The following PRDM1 variants were observed in gnomAD, a reference collection of about 807,000 sequenced individuals.
PRDM1 encodes the protein PR/SET domain 1.
Under a neutral mutation model 62.8 loss-of-function variants are expected in PRDM1, and 13 were observed. The observed-to-expected ratio is 0.21, with a 90% confidence interval of 0.13 to 0.33. The LOEUF is 0.33. Among genes scored for constraint, PRDM1 ranks in the 10% least tolerant of loss-of-function variants. PRDM1 has a pLI of 1.00. For synonymous variants in PRDM1, 396 were observed against 417.6 expected, an observed-to-expected ratio of 0.95 and a Z score of 0.63; for missense variants, 895 against 1,058.8, an observed-to-expected ratio of 0.85 and a Z score of 2.15.
In PRDM1 at chr6:106,106,291, A is replaced by G; in HGVS notation, c.1774-80A>G. 1 of 1,545,822 alleles carries G rather than the reference A, an allele frequency of 6.5e-7. No individual in the cohort carries two copies. Among genetic ancestry groups the G allele is most frequent in the Non-Finnish European group, 8.8e-7 (1 of 1,135,650 alleles). ...ATGCTTTTCTTAAGATATTTGCATC[A>G]ACACTTGAGTCTTGGAGCAGAAATG... On this transcript the variant is annotated intron_variant, in intron 5 of 6. Transcript: ENST00000369096. This position sits in a 1 kb window ranked among gnomAD's most constrained non-coding sequence, Gnocchi z 4.4.
intron 4 of PRDM1, among the ~76,000 whole-genome samples, chr6:106,099,882 G>A (rs1774219134): frequency 6.6e-6 from 1 of 152,198 alleles, no homozygotes; most frequent in Non-Finnish European, 1.5e-5. Flanking sequence ...GCGTATGCAA[G>A]GTATAGCCCT....
intron 1 of PRDM1, among the ~76,000 whole-genome samples, chr6:106,070,879 A>G (rs1773503210): frequency 6.6e-6 from 1 of 152,204 alleles, no homozygotes; most frequent in South Asian, 2.1e-4. Context: ...TGCTACTTTC[A>G]AATATTTATT....
chr6:106,077,970 C>T (rs776251308), intron 1 of PRDM1, among the ~76,000 whole-genome samples: 2 of 152,180 alleles, frequency 1.3e-5, no homozygotes, highest in South Asian at 2.1e-4. Context: ...CTTTCTTGCT[C>T]GGTAAATGTG....
chr6:106,087,885 A>T, intron 1 of PRDM1: 1 of 270,344 alleles, frequency 3.7e-6, no homozygotes, highest in Non-Finnish European at 7.0e-6. Flanking sequence ...CTGTGTGCCC[A>T]GAACATTTTT....
upstream of PRDM1, among the ~76,000 whole-genome samples, chr6:106,047,665 C>A (rs1773102097): frequency 6.6e-6 from 1 of 151,994 alleles, no homozygotes; most frequent in Admixed American, 6.6e-5. Context: ...AGTGGTTGCA[C>A]CAAAGGAATA....
At chr6:106,007,056 C>T (rs1335572577) in intron 1 of PRDM1, among the ~76,000 whole-genome samples, 1 of 151,920 alleles carries the variant, frequency 6.6e-6, no homozygotes, top group Non-Finnish European at 1.5e-5. Context: ...ATTTCTCTTC[C>T]TTCTGAGTGA....
rs1359144106 is a variant in PRDM1, at chr6:106,104,879, C to A, written c.719C>A (p.Pro240Gln). The A allele has an allele frequency of 6.2e-7, 1 of 1,614,056 alleles. No individual in the cohort carries two copies. Among genetic ancestry groups the A allele is most frequent in the Non-Finnish European group, 8.5e-7 (1 of 1,180,000 alleles). Residue 240 changes from proline (P) to glutamine (Q), a missense_variant, in exon 5 of 7, where the codon CCA (proline) becomes CAA (glutamine). Physicochemically the swap from Pro to Gln is moderately conservative, Grantham distance 76 (BLOSUM62 -1). This residue lies in a region of PRDM1 where 444 missense variants were observed against 422.7 expected (regional missense o/e 1.05). Transcript: ENST00000369096. ...QPSTEKNELC[P>Q]KNVPKREYSV... ...AGCACTGAGAAAAATGAACTCTGCCCAAAGAATGTCCCAAAGAGAGAGTAC... is the reference window on the plus strand; with the variant it reads ...AGCACTGAGAAAAATGAACTCTGCCAAAAGAATGTCCCAAAGAGAGAGTAC...
At chr6:106,039,426 G>T (rs1350660021) in intron 1 of PRDM1, among the ~76,000 whole-genome samples, 2 of 152,142 alleles carry the variant, frequency 1.3e-5, no homozygotes, top group Non-Finnish European at 2.9e-5. Flanking sequence ...TGTTATGTTT[G>T]TCTAAGTTTC....
Position 106,106,248 on chromosome 6 carries a change from CT to C in PRDM1, c.1774-118del, listed in dbSNP as rs1774484593. The stretch of plus-strand genomic sequence containing the variant: ...CATTCTGAAAACATGAAGATTTCTT[CT>C]TTTTAAGACTGTCTTGATGCTTTTC... On this transcript the variant is annotated intron_variant, in intron 5 of 6. Coordinates refer to ENST00000369096, the MANE Select transcript of PRDM1 (RefSeq NM_001198.4). This position sits in a 1 kb window ranked among gnomAD's most constrained non-coding sequence, Gnocchi z 4.4. 1 of 1,402,598 alleles carries C rather than the reference CT, an allele frequency of 7.1e-7. No individual in the cohort carries two copies. The highest frequency in any genetic ancestry group is 2.3e-5 in the Admixed American group (1 of 44,116). 86.9% of individuals were successfully genotyped at this position (1,402,598 alleles called of 1,614,324 possible).
upstream of PRDM1, among the ~76,000 whole-genome samples, chr6:106,045,002 C>T (rs1773051450): frequency 6.6e-6 from 1 of 152,126 alleles, no homozygotes; most frequent in Admixed American, 6.5e-5. Flanking sequence ...TCAAGGCAGC[C>T]TGGGTGACAG....
At chr6:106,008,518 G>T (rs1056548263) in intron 1 of PRDM1, among the ~76,000 whole-genome samples, 1 of 152,064 alleles carries the variant, frequency 6.6e-6, no homozygotes, top group Non-Finnish European at 1.5e-5. Context: ...TGCCACAAGT[G>T]TCTCCTTTAT....
At chr6:106,042,132 AT>A (rs1354662393) in intron 1 of PRDM1, among the ~76,000 whole-genome samples, 1 of 151,604 alleles carries the variant, frequency 6.6e-6, no homozygotes, top group East Asian at 1.9e-4. Flanking sequence ...TTTGTAAAAC[AT>A]TTTTAAATGT....
At chr6:106,053,682 T>A (rs1773216864) in intron 1 of PRDM1, among the ~76,000 whole-genome samples, 1 of 152,104 alleles carries the variant, frequency 6.6e-6, no homozygotes, top group African/African-American at 2.4e-5. Context: ...GCTCACTTGC[T>A]CTCCTTGGGA....
At chr6:106,045,490 A>C (rs1476394762), upstream of PRDM1, 2 of 152,212 alleles carry the variant, frequency 1.3e-5, no homozygotes, top group Non-Finnish European at 2.9e-5. Context: ...TAAAGCAGTA[A>C]TTATAGCACA....
intron 1 of PRDM1, among the ~76,000 whole-genome samples, chr6:106,034,174 C>A (rs1229291478): frequency 2.0e-5 from 3 of 151,810 alleles, no homozygotes; most frequent in African/African-American, 7.3e-5. Context: ...TAAAGATTTG[C>A]CCCTTTTTTG....
intron 1 of PRDM1, among the ~76,000 whole-genome samples, chr6:106,066,239 A>C (rs1773431859): frequency 6.6e-6 from 1 of 152,124 alleles, no homozygotes; most frequent in African/African-American, 2.4e-5. Context: ...CTGCTGGTTA[A>C]GCCCCTCCAT....
Position 106,108,690 on chromosome 6 carries a change from C to T in PRDM1, c.*1204C>T, listed in dbSNP as rs1774591801. The T allele has an allele frequency of 8.6e-6, 2 of 232,384 alleles. No individual in the cohort carries two copies. Among genetic ancestry groups the T allele is most frequent in the South Asian group, 3.6e-4 (2 of 5,506 alleles). 14.4% of individuals were successfully genotyped at this position (232,384 alleles called of 1,614,324 possible). On this transcript the variant is annotated 3_prime_UTR_variant, in exon 7 of 7. Transcript: ENST00000369096. Reference sequence around the variant, plus strand: ...AAAAGCGGGTAATGAACATTCCTATCCCCAACACATCAATTGTATTTTTTC... The same window carrying T: ...AAAAGCGGGTAATGAACATTCCTATTCCCAACACATCAATTGTATTTTTTC...
intron 1 of PRDM1, among the ~76,000 whole-genome samples, chr6:106,024,204 C>A (rs1380849711): frequency 6.6e-6 from 1 of 152,090 alleles, no homozygotes; most frequent in African/African-American, 2.4e-5. Context: ...GGTTTGATTC[C>A]TTTTGTGCCT....
At position 106,013,059 on chromosome 6, in the gene PRDM1, G is replaced by C. The variant is rs138727040; in HGVS notation, c.-67+19420G>C. ...GCGCAATCACACCTGGCTAATTTTT[G>C]TATTTTCAATAGAGACGGGGTTTCA... On this transcript the variant is annotated intron_variant, in intron 1 of 6. Coordinates refer to the PRDM1 transcript ENST00000652320. Among the ~76,000 whole-genome samples, 246 of 152,142 alleles carry C rather than the reference G, an allele frequency of 1.6e-3. 5 individuals carry two copies. Among genetic ancestry groups the C allele is most frequent in the African/African-American group, 5.7e-3 (238 of 41,504 alleles).
Sources: gnomAD v4.1 joint callset for allele counts (sites outside exome capture counted in the v4.1 genomes callset) on GRCh38, gnomAD v4.1.1 for gene constraint, gnomAD v4.1.1 regional missense constraint, Gnocchi (gnomAD v3.1) non-coding constraint, MANE v1.5 for transcripts, NCBI Gene and HGNC (gene_info 2026-07-23, HGNC 2026-07-21) for gene names.